DOCK10: variants seen among roughly 807,000 people sequenced by gnomAD.
The protein encoded by DOCK10 is dedicator of cytokinesis 10.
Under a neutral mutation model 280.1 loss-of-function variants are expected in DOCK10, and 145 were observed. That is an observed-to-expected ratio of 0.52 (90% CI 0.45 to 0.59). The LOEUF (loss-of-function observed/expected upper bound fraction) is 0.59. DOCK10 is among the 20% of genes least tolerant of loss of function. DOCK10 has a pLI of 0.00. For missense variants in DOCK10, 2,368 were observed against 2,651.7 expected (o/e 0.89, Z 2.35); for synonymous variants, 915 against 942.2 (o/e 0.97, Z 0.53).
intron 1 of DOCK10, among the ~76,000 whole-genome samples, chr2:224,945,683 A>T (rs997496056): frequency 2.8e-4 from 42 of 152,074 alleles, no homozygotes; most frequent in Middle Eastern, 3.4e-3. Flanking sequence ...GTGTGCATAT[A>T]TATATATATA....
chr2:224,903,831 G>A (rs1392547391), intron 3 of DOCK10, among the ~76,000 whole-genome samples: 1 of 152,166 alleles, frequency 6.6e-6, no homozygotes, highest in African/African-American at 2.4e-5. Flanking sequence ...CCAATTTAGA[G>A]TTGGAGGAGG....
chr2:225,017,919 C>T (rs956468854), intron 1 of DOCK10, among the ~76,000 whole-genome samples: 15 of 152,126 alleles, frequency 9.9e-5, no homozygotes, highest in African/African-American at 3.4e-4. Context: ...TTCATTATCC[C>T]TGCCAACAGA....
intron 11 of DOCK10, among the ~76,000 whole-genome samples, chr2:224,872,845 A>C (rs1241146091): frequency 6.6e-6 from 1 of 151,958 alleles, no homozygotes; most frequent in Admixed American, 6.6e-5. Context: ...AGAACGCATT[A>C]AAAAAGAATG....
intron 2 of DOCK10, among the ~76,000 whole-genome samples, chr2:224,927,325 G>A (rs1029582400): frequency 6.6e-6 from 1 of 152,170 alleles, no homozygotes; most frequent in Non-Finnish European, 1.5e-5. Context: ...GACTCTTAAG[G>A]CAATGGGAAG....
intron 1 of DOCK10, among the ~76,000 whole-genome samples, chr2:224,936,164 A>G (rs943750081): frequency 6.6e-6 from 1 of 152,206 alleles, no homozygotes; most frequent in Non-Finnish European, 1.5e-5. Flanking sequence ...TAAATCCGTG[A>G]ATGACTATTA....
intron 1 of DOCK10, among the ~76,000 whole-genome samples, chr2:224,993,202 GTT>G (rs112976099): frequency 3.6e-4 from 49 of 136,064 alleles, no homozygotes; most frequent in Admixed American, 3.7e-4. Flanking sequence ...TTCTTTGGAA[GTT>G]TTTTTTTTTT....
chr2:224,793,588 G>A (rs1320854577), intron 45 of DOCK10, 131 bp from the exon 46 acceptor site: 1 of 593,824 alleles, frequency 1.7e-6, no homozygotes, highest in Non-Finnish European at 2.8e-6. Context: ...CAAATTGAAA[G>A]CAAGGATCAA....
intron 1 of DOCK10, among the ~76,000 whole-genome samples, chr2:225,041,246 C>A (rs192032862): frequency 5.9e-5 from 9 of 152,288 alleles, no homozygotes; most frequent in Admixed American, 5.9e-4. Context: ...CCGTTTAGTT[C>A]CTAATGATAT....
rs78681315 is a variant in DOCK10, at chr2:224,996,127, G to A, written c.123+46125C>T. 1.8e-4 allele frequency among the ~76,000 whole-genome samples: 28 copies of A among 152,278 alleles called. No homozygotes were observed. In the East Asian group the frequency reaches 4.1e-3, roughly 22 times the overall value. On this transcript the variant is annotated intron_variant, in intron 1 of 55. Coordinates refer to ENST00000258390, the MANE Select transcript of DOCK10 (RefSeq NM_014689.3). ...TCCTACCCACTCAAGCAAGTACTTC[G>A]TTTCTCTCCTCTTCATCACACTGTG...
rs760089413 is a variant in DOCK10, at chr2:224,816,729, A to C, written c.3268-16T>G. On this transcript the variant is annotated splice_polypyrimidine_tract_variant and intron_variant, in intron 29 of 55. Coordinates refer to ENST00000258390, the MANE Select transcript of DOCK10 (RefSeq NM_014689.3). Reference sequence around the variant, plus strand: ...GGCACAAGGTCTGAAAGAGAGGCAAACTAAATGACTATGACTTACAGACCA... The same window carrying C: ...GGCACAAGGTCTGAAAGAGAGGCAACCTAAATGACTATGACTTACAGACCA... The C allele has an allele frequency of 1.6e-5, 22 of 1,383,420 alleles. No individual in the cohort carries two copies. Among genetic ancestry groups the C allele is most frequent in the Non-Finnish European group, 2.1e-5 (21 of 981,384 alleles). 85.7% of individuals were successfully genotyped at this position (1,383,420 alleles called of 1,614,324 possible). A position where few individuals can be genotyped will look rare whatever the true frequency, so the allele number is the denominator to read the frequency against.
intron 14 of DOCK10, among the ~76,000 whole-genome samples, chr2:224,860,247 T>C (rs999687706): frequency 6.6e-6 from 1 of 152,140 alleles, no homozygotes; most frequent in Non-Finnish European, 1.5e-5. Context: ...TTCTCCTAAC[T>C]TCTCAGGTTC....
intron 28 of DOCK10, among the ~76,000 whole-genome samples, chr2:224,821,628 G>A (rs1187155495): frequency 6.6e-6 from 1 of 151,910 alleles, no homozygotes; most frequent in Admixed American, 6.6e-5. Context: ...TTAGTAATAA[G>A]GAGGGTAACT....
intron 1 of DOCK10, among the ~76,000 whole-genome samples, chr2:225,007,512 T>C (rs1689309102): frequency 6.6e-6 from 1 of 152,140 alleles, no homozygotes; most frequent in Non-Finnish European, 1.5e-5. Flanking sequence ...CTGATTTACA[T>C]AAAAGTTAAA....
At chr2:225,016,992 G>C (rs1689627883) in intron 1 of DOCK10, among the ~76,000 whole-genome samples, 1 of 151,778 alleles carries the variant, frequency 6.6e-6, no homozygotes. Flanking sequence ...CAAAGTGCTG[G>C]GATTACAGGC....
intron 11 of DOCK10, 29 bp downstream of exon 11, chr2:224,873,967 G>T: frequency 6.3e-7 from 1 of 1,596,754 alleles, no homozygotes; most frequent in Non-Finnish European, 8.5e-7. Context: ...TGGCTTAATG[G>T]TATAGGATGT....
chr2:224,976,084 G>A (rs770568411), intron 1 of DOCK10, among the ~76,000 whole-genome samples: 8 of 152,116 alleles, frequency 5.3e-5, no homozygotes, highest in Non-Finnish European at 7.4e-5. Context: ...AGACTCCATC[G>A]CTTTATAATG....
intron 38 of DOCK10, among the ~76,000 whole-genome samples, 170 bp downstream of exon 38, chr2:224,804,624 C>T (rs972116859): frequency 1.3e-5 from 2 of 151,986 alleles, no homozygotes; most frequent in Non-Finnish European, 1.5e-5. Flanking sequence ...ATCTACAATG[C>T]GTATGAGGCA....
intron 1 of DOCK10, among the ~76,000 whole-genome samples, chr2:224,981,842 C>T (rs1470643129): frequency 2.6e-5 from 4 of 152,144 alleles, no homozygotes; most frequent in Admixed American, 6.5e-5. Flanking sequence ...TTTTAAAAAA[C>T]GCCCATTTTG....
intron 28 of DOCK10, among the ~76,000 whole-genome samples, chr2:224,819,929 T>C (rs953630094): frequency 3.3e-5 from 5 of 152,224 alleles, no homozygotes; most frequent in African/African-American, 1.2e-4. Context: ...CCCCTTCTTT[T>C]TTATACAGAA....
Sources: allele counts gnomAD v4.1 joint callset (sites outside exome capture counted in the v4.1 genomes callset), GRCh38; gene constraint gnomAD v4.1.1; transcripts MANE v1.5; gene names NCBI Gene and HGNC (gene_info 2026-07-23, HGNC 2026-07-21).